Variants in LDLRAD4 observed in about 807,000 individuals in gnomAD.
LDLRAD4 encodes low-density lipoprotein receptor class A domain-containing protein 4.
LDLRAD4 carries 5 observed loss-of-function variants against 17.0 expected under a neutral mutation model. The observed-to-expected ratio is 0.29, with a 90% CI of 0.15 to 0.62. LDLRAD4 has a LOEUF of 0.62. Ranked by LOEUF, LDLRAD4 falls within the 20% of genes least tolerant of loss-of-function variation. LDLRAD4 has a pLI of 0.84. For missense variants in LDLRAD4, 340 were observed against 424.7 expected, an observed-to-expected ratio of 0.80 and a Z score of 1.75; for synonymous variants, 168 against 171.8, an observed-to-expected ratio of 0.98 and a Z score of 0.17.
chr18:13,369,827 C>T (rs376195680), intron 1 of LDLRAD4, among the ~76,000 whole-genome samples: 3 of 152,312 alleles, frequency 2.0e-5, no homozygotes, highest in African/African-American at 4.8e-5. Context: ...CGTGGGCTTA[C>T]GCACACAGAT....
chr18:13,483,046 G>C (rs1785115), intron 3 of LDLRAD4, among the ~76,000 whole-genome samples: 1 of 152,248 alleles, frequency 6.6e-6, no homozygotes, highest in East Asian at 1.9e-4. Context: ...AGGAAGCAAG[G>C]TGGAGAGAGG....
intron 3 of LDLRAD4, among the ~76,000 whole-genome samples, chr18:13,468,504 A>G (rs1042989898): frequency 2.0e-5 from 3 of 152,210 alleles, no homozygotes; most frequent in Admixed American, 6.5e-5. Flanking sequence ...TACTGGGTGT[A>G]TACCCAAAGG....
intron 3 of LDLRAD4, among the ~76,000 whole-genome samples, chr18:13,544,218 G>A (rs939932054): frequency 2.0e-5 from 3 of 152,236 alleles, no homozygotes; most frequent in African/African-American, 7.2e-5. Flanking sequence ...CTCTGCCTCC[G>A]GGCTGTTTTC....
chr18:13,488,329 C>T (rs2093281084), intron 3 of LDLRAD4: 1 of 152,368 alleles, frequency 6.6e-6, no homozygotes, highest in Non-Finnish European at 1.5e-5. Flanking sequence ...CCTCGCATCC[C>T]ACTGCCTTGG....
chr18:13,641,458 AG>A (rs779426799), intron 4 of LDLRAD4, among the ~76,000 whole-genome samples: 1 of 152,258 alleles, frequency 6.6e-6, no homozygotes, highest in Non-Finnish European at 1.5e-5. Flanking sequence ...GATTAGACAG[AG>A]ATAGATGGAT....
chr18:13,630,729 T>A (rs2041587921), intron 4 of LDLRAD4, among the ~76,000 whole-genome samples: 1 of 152,190 alleles, frequency 6.6e-6, no homozygotes, highest in African/African-American at 2.4e-5. Context: ...ATCTGTATCT[T>A]GCCATGAAGA....
At chr18:13,577,077 G>A (rs1007031567) in intron 3 of LDLRAD4, among the ~76,000 whole-genome samples, 2 of 72,192 alleles carry the variant, frequency 2.8e-5, no homozygotes, top group Non-Finnish European at 6.4e-5. Flanking sequence ...TTGCGGTTTA[G>A]CATTTTTTTT....
At chr18:13,226,037 T>C (rs2145415267) in intron 1 of LDLRAD4, among the ~76,000 whole-genome samples, 1 of 152,212 alleles carries the variant, frequency 6.6e-6, no homozygotes, top group African/African-American at 2.4e-5. Flanking sequence ...TTTAAAAAAA[T>C]GGAGATGGGG....
intron 1 of LDLRAD4, among the ~76,000 whole-genome samples, chr18:13,311,653 C>T (rs1388378261): frequency 1.3e-5 from 2 of 152,174 alleles, no homozygotes; most frequent in Admixed American, 1.3e-4. Flanking sequence ...TGGCACTGTG[C>T]TCTTGAGGGA....
chr18:13,272,311 A>G (rs1424523989), intron 1 of LDLRAD4, among the ~76,000 whole-genome samples: 1 of 152,184 alleles, frequency 6.6e-6, no homozygotes, highest in Middle Eastern at 3.2e-3. Context: ...AGGTCTTTGA[A>G]GAGACTGGAC....
Position 13,415,877 on chromosome 18 carries a change from T to C in LDLRAD4, c.41-22367T>C, listed in dbSNP as rs115973539. ...ATGCCCTTGTACCCCACGTGGCTCC[T>C]TCTTTGAAGCTGTGTCTCAGTCCCA... On this transcript the variant is annotated intron_variant, in intron 2 of 5. Coordinates refer to ENST00000359446, the Ensembl canonical transcript of LDLRAD4. 6.3e-3 allele frequency among the ~76,000 whole-genome samples: 959 copies of C among 152,370 alleles called. 10 individuals are homozygous for C. The highest frequency in any genetic ancestry group is 0.022 in the African/African-American group (915 of 41,590).
chr18:13,647,937 G>C (rs113600414), exon 6 of LDLRAD4: 1 of 152,258 alleles, frequency 6.6e-6, no homozygotes, highest in Non-Finnish European at 1.5e-5. Context: ...CACCCTGAAG[G>C]TTCACTGGCT....
chr18:13,348,982 C>G (rs2082877811), intron 1 of LDLRAD4, among the ~76,000 whole-genome samples: 1 of 152,204 alleles, frequency 6.6e-6, no homozygotes, highest in African/African-American at 2.4e-5. Flanking sequence ...CACCCCTTTC[C>G]TTGACTAGGA....
chr18:13,491,232 G>C (rs1247752836), intron 3 of LDLRAD4: 2 of 152,226 alleles, frequency 1.3e-5, no homozygotes, highest in Non-Finnish European at 2.9e-5. Context: ...CCACCTGCAG[G>C]GTAGCTGGGA....
intron 3 of LDLRAD4, among the ~76,000 whole-genome samples, chr18:13,594,526 C>A (rs905037453): frequency 6.6e-6 from 1 of 151,598 alleles, no homozygotes; most frequent in East Asian, 1.9e-4. Context: ...ATTAGCAGGG[C>A]ATGGAGGTGC....
At chr18:13,624,451 G>A (rs138249639) in intron 4 of LDLRAD4, among the ~76,000 whole-genome samples, 8 of 152,334 alleles carry the variant, frequency 5.3e-5, no homozygotes, top group African/African-American at 9.6e-5. Flanking sequence ...GCCATGCCCC[G>A]CCTCCGCCAC....
intron 1 of LDLRAD4, among the ~76,000 whole-genome samples, chr18:13,332,912 CT>C (rs34450135): frequency 1.3e-5 from 2 of 151,816 alleles, no homozygotes; most frequent in African/African-American, 2.4e-5. Context: ...AAGTTTTTAA[CT>C]TTTTTTTAGT....
chr18:13,626,997 C>T (rs200988311), intron 4 of LDLRAD4, among the ~76,000 whole-genome samples: 3 of 152,194 alleles, frequency 2.0e-5, no homozygotes, highest in Admixed American at 1.3e-4. Context: ...GGGCTGGGTG[C>T]GGTGGCTCAC....
At position 13,248,925 on chromosome 18, in the gene LDLRAD4, C is replaced by A. The variant is rs573659601; in HGVS notation, c.-466-29180C>A. Among the ~76,000 whole-genome samples the A allele has an allele frequency of 2.0e-5, 3 of 152,226 alleles. No homozygotes were observed. In the South Asian group the frequency reaches 6.2e-4, roughly 32 times the overall value. On this transcript the variant is annotated intron_variant, in intron 1 of 5. Coordinates refer to the LDLRAD4 transcript ENST00000399848. Reference sequence around the variant, plus strand: ...CTTTCCCTACAACCCTTCCCAACTTCTAGTATTCCCTTTTCTACTTTTTAC... The same window carrying A: ...CTTTCCCTACAACCCTTCCCAACTTATAGTATTCCCTTTTCTACTTTTTAC...
Sources: gnomAD v4.1 joint callset for allele counts (sites outside exome capture counted in the v4.1 genomes callset) on GRCh38, gnomAD v4.1.1 for gene constraint, MANE v1.5 for transcripts, NCBI Gene and HGNC (gene_info 2026-07-23, HGNC 2026-07-21) for gene names.